Variants in KDM1B observed in about 807,000 individuals in gnomAD.
KDM1B encodes lysine demethylase 1B, also known as lysine-specific histone demethylase 2.
In KDM1B, 63 loss-of-function variants were observed where a neutral mutation model predicts 107.4. That is an observed-to-expected ratio of 0.59 (90% confidence interval 0.48 to 0.72). The LOEUF is 0.72. Among genes scored for constraint, KDM1B ranks in the 30% least tolerant of loss-of-function variants. The pLI, the probability that KDM1B is intolerant of heterozygous loss-of-function variation, is 0.00. For missense variants in KDM1B, 749 were observed against 1,020.8 expected, an observed-to-expected ratio of 0.73 and a Z score of 3.63; for synonymous variants, 363 against 363.9, an observed-to-expected ratio of 1.00 and a Z score of 0.03.
Position 18,187,828 on chromosome 6 carries a change from A to G in KDM1B, c.610A>G (p.Met204Val), listed in dbSNP as rs987847729. 2.6e-6 allele frequency: 4 copies of G among 1,550,206 alleles called. No individual in the cohort carries two copies. Among genetic ancestry groups the G allele is most frequent in the East Asian group, 2.4e-5 (1 of 40,922 alleles). Residue 204 changes from methionine to valine, a missense_variant, in exon 9 of 22, where the codon ATG (methionine) becomes GTG (valine). By Grantham distance (21) the Met-to-Val change is conservative. Coordinates refer to ENST00000650836, the MANE Select transcript of KDM1B (RefSeq NM_001364614.2). ...AGTTTCCAACCATTGGTGGTACTCT[A>G]TGCTCATCCTACCTCCTTTGCTGAA... ...LEVSNHWWYS[M>V]LILPPLLKDS... is the part of the protein sequence containing the mutation.
intron 9 of KDM1B, among the ~76,000 whole-genome samples, chr6:18,190,773 A>C (rs972756257): frequency 2.6e-5 from 4 of 151,598 alleles, no homozygotes; most frequent in African/African-American, 9.7e-5. Context: ...GGTGGCGAGC[A>C]CCTGTAATCC....
rs759961167 is a variant in KDM1B, at chr6:18,217,849, T to C, written c.2349T>C (p.Ala783=). 5 of 1,613,726 alleles carry C rather than the reference T, an allele frequency of 3.1e-6. No homozygotes were observed. The highest frequency in any genetic ancestry group is 4.2e-6 in the Non-Finnish European group (5 of 1,179,898). Residue 783 remains alanine (A), a synonymous_variant, in exon 21 of 22, where the codon GCT becomes GCC. Coordinates refer to ENST00000650836, the MANE Select transcript of KDM1B (RefSeq NM_001364614.2). ...GGSGEAYDII[A]EDIQGTVFFA... ...GTGGGGAGGCCTACGATATCATTGC[T>C]GAAGACATTCAAGGAACCGTCTTTT...
chr6:18,199,796 T>C (rs1168728061), intron 12 of KDM1B, among the ~76,000 whole-genome samples: 1 of 151,822 alleles, frequency 6.6e-6, no homozygotes, highest in Non-Finnish European at 1.5e-5. Context: ...TTAGGAAAAA[T>C]CACCTAAAGA....
At chr6:18,167,824 G>A (rs1190084695) in intron 6 of KDM1B, among the ~76,000 whole-genome samples, 1 of 151,518 alleles carries the variant, frequency 6.6e-6, no homozygotes, top group African/African-American at 2.4e-5. Flanking sequence ...GTGCAGTTGT[G>A]GGATTATGAC....
intron 20 of KDM1B, among the ~76,000 whole-genome samples, chr6:18,215,680 G>A (rs914960714): frequency 1.3e-5 from 2 of 151,618 alleles, no homozygotes; most frequent in African/African-American, 4.8e-5. Flanking sequence ...ACAGTGCCCT[G>A]TACCTTTTTT....
At chr6:18,215,253 T>G in intron 20 of KDM1B, 124 bp downstream of exon 20, 1 of 1,155,198 alleles carries the variant, frequency 8.7e-7, no homozygotes, top group Non-Finnish European at 1.2e-6. Context: ...ACAGTCTTCT[T>G]TCTTTCAGAG....
chr6:18,197,094 T>C lies in KDM1B; in HGVS notation c.1007T>C (p.Ile336Thr). 6.2e-7 allele frequency: 1 copy of C among 1,614,024 alleles called. No homozygotes were observed. The highest frequency in any genetic ancestry group is 8.5e-7 in the Non-Finnish European group (1 of 1,179,892). Residue 336 changes from isoleucine (I) to threonine (T), a missense_variant, in exon 11 of 22, where the codon ATC (isoleucine) becomes ACC (threonine). Ile to Thr is a moderately conservative substitution (Grantham distance 89, BLOSUM62 -1). Coordinates refer to ENST00000650836, the MANE Select transcript of KDM1B (RefSeq NM_001364614.2). This position sits in a 1 kb window ranked among gnomAD's most constrained non-coding sequence, Gnocchi z 4.5. Reference sequence around the variant, plus strand: ...CCTCAGAAATGTATTCCTCACATCATCGTCCGGGGTCTCGTGCGTATTCGA... The same window carrying C: ...CCTCAGAAATGTATTCCTCACATCACCGTCCGGGGTCTCGTGCGTATTCGA... ...LTPQKCIPHI[I>T]VRGLVRIRCV...
rs1582223317 is a variant in KDM1B, at chr6:18,217,756, T to C, written c.2256T>C (p.Tyr752=). The C allele has an allele frequency of 1.9e-6, 3 of 1,612,636 alleles. No homozygotes were observed. In the African/African-American group the frequency reaches 4.0e-5, roughly 22 times the overall value. Residue 752 remains tyrosine, a synonymous_variant, in exon 21 of 22, where the codon TAT becomes TAC. Transcript: ENST00000650836. The stretch of plus-strand genomic sequence containing the variant: ...AGGAGGTCCCAGATCCCACAAAGTA[T>C]TTTGTCACTCGGTGGAGCACAGACC... ...KEQEVPDPTK[Y]FVTRWSTDPW... is the part of the protein sequence containing the mutation.
At chr6:18,199,008 G>GAAAAAAA (rs70974711) in intron 12 of KDM1B, among the ~76,000 whole-genome samples, 16 of 74,678 alleles carry the variant, frequency 2.1e-4, no homozygotes, top group East Asian at 4.7e-4. Flanking sequence ...GTCTCTACCA[G>GAAAAAAA]AAAAAAAAAA....
chr6:18,191,572 G>T lies in KDM1B; in HGVS notation c.969+191G>T, dbSNP rs781361789. 6.6e-6 allele frequency among the ~76,000 whole-genome samples: 1 copy of T among 152,104 alleles called. No individual in the cohort carries two copies. The highest frequency in any genetic ancestry group is 1.5e-5 in the Non-Finnish European group (1 of 68,036). On this transcript the variant is annotated intron_variant, in intron 10 of 21. Coordinates refer to ENST00000650836, the MANE Select transcript of KDM1B (RefSeq NM_001364614.2). The surrounding 1 kb of genome is among the most constrained non-coding windows in gnomAD (Gnocchi z 5.1). Reference sequence around the variant, plus strand: ...TGTAGGATATTTAGCAAGATCCCTGGCTTCTACCCACTAGATTCCAGTAAT... The same window carrying T: ...TGTAGGATATTTAGCAAGATCCCTGTCTTCTACCCACTAGATTCCAGTAAT...
chr6:18,222,250 A>C lies in KDM1B; in HGVS notation c.*258A>C, dbSNP rs1789813140. On this transcript the variant is annotated 3_prime_UTR_variant, in exon 22 of 22. Coordinates refer to ENST00000650836, the MANE Select transcript of KDM1B (RefSeq NM_001364614.2). ...AAGTCTGGATTTCAGAATAAAGCAG[A>C]ATGTAAGTTTCAGTTGAGGCCATGG... 5.2e-6 allele frequency: 3 copies of C among 580,600 alleles called. No homozygotes were observed. The African/African-American group carries it at 5.5e-5, about 11-fold the overall frequency. 36.0% of individuals were successfully genotyped at this position (580,600 alleles called of 1,614,324 possible). A position where few individuals can be genotyped will look rare whatever the true frequency, so the allele number is the denominator to read the frequency against.
In KDM1B at chr6:18,186,112, G is replaced by A. The variant is rs974585575; in HGVS notation, c.573+302G>A. On this transcript the variant is annotated intron_variant, in intron 8 of 21. Transcript: ENST00000650836. This position sits in a 1 kb window ranked among gnomAD's most constrained non-coding sequence, Gnocchi z 5.6. ...CAGGCTTGCTGTACTTGTTTTTCAAGGATGACTTTGTGACCTTTTCTCCAC... is the reference window on the plus strand; with the variant it reads ...CAGGCTTGCTGTACTTGTTTTTCAAAGATGACTTTGTGACCTTTTCTCCAC... Among the ~76,000 whole-genome samples the A allele has an allele frequency of 6.6e-6, 1 of 152,130 alleles. No individual in the cohort carries two copies. The highest frequency in any genetic ancestry group is 2.4e-5 in the African/African-American group (1 of 41,436).
chr6:18,188,365 T>G (rs1787026491), intron 9 of KDM1B, among the ~76,000 whole-genome samples: 2 of 152,248 alleles, frequency 1.3e-5, no homozygotes, highest in African/African-American at 4.8e-5. Context: ...CTCAGTAGTT[T>G]GGAAAACCTG....
At chr6:18,207,354 C>G (rs961635857) in intron 15 of KDM1B, 44 bp from the exon 16 acceptor site, 2 of 1,601,386 alleles carry the variant, frequency 1.2e-6, no homozygotes, top group African/African-American at 2.7e-5. Flanking sequence ...GGCACAGGCA[C>G]AAGGATTTAC....
chr6:18,161,364 A>G lies in KDM1B; in HGVS notation c.125A>G (p.Glu42Gly), dbSNP rs755500826. ...KKATETTDED[E>G]DGGSEKKYRK... ...GCAACAGAGACAACAGATGAGGATG[A>G]AGATGGTGGCTCAGAGAAGAAGTAC... Residue 42 changes from glutamate to glycine, a missense_variant, in exon 4 of 22, where the codon GAA becomes GGA. Coordinates refer to ENST00000650836, the MANE Select transcript of KDM1B (RefSeq NM_001364614.2). The G allele has an allele frequency of 1.2e-6, 2 of 1,614,026 alleles. No individual in the cohort carries two copies. The highest frequency in any genetic ancestry group is 1.7e-6 in the Non-Finnish European group (2 of 1,179,932).
Position 18,188,011 on chromosome 6 carries a change from C to T in KDM1B, c.784+9C>T. On this transcript the variant is annotated intron_variant, in intron 9 of 21. Transcript: ENST00000650836. ...TGCCCTCTCCGTGCACGGTGAGAGCCATTCCTGGGACTCCCTGCTTTCTAT... is the reference window on the plus strand; with the variant it reads ...TGCCCTCTCCGTGCACGGTGAGAGCTATTCCTGGGACTCCCTGCTTTCTAT... 1 of 1,548,092 alleles carries T rather than the reference C, an allele frequency of 6.5e-7. No individual in the cohort carries two copies. Among genetic ancestry groups the T allele is most frequent in the South Asian group, 1.2e-5 (1 of 84,000 alleles).
At chr6:18,210,937 C>T (rs112117871) in intron 17 of KDM1B, among the ~76,000 whole-genome samples, 4,334 of 152,156 alleles carry the variant, frequency 0.028, 162 homozygotes, top group African/African-American at 0.087. Context: ...GAGTTTGAGG[C>T]TGCTGTGAGC....
chr6:18,165,319 A>G (rs1022950155), intron 5 of KDM1B, among the ~76,000 whole-genome samples: 1 of 150,786 alleles, frequency 6.6e-6, no homozygotes, highest in Non-Finnish European at 1.5e-5. Flanking sequence ...TTTAGTAGAG[A>G]CGGGGTTTCA....
At chr6:18,182,062 C>A (rs1305266170) in intron 7 of KDM1B, among the ~76,000 whole-genome samples, 1 of 152,074 alleles carries the variant, frequency 6.6e-6, no homozygotes, top group Non-Finnish European at 1.5e-5. Context: ...TGATTTGAAA[C>A]CTGGCTGGCT....
Sources: gnomAD v4.1 joint callset for allele counts (sites outside exome capture counted in the v4.1 genomes callset) on GRCh38, gnomAD v4.1.1 for gene constraint, Gnocchi (gnomAD v3.1) non-coding constraint, MANE v1.5 for transcripts, NCBI Gene and HGNC (gene_info 2026-07-23, HGNC 2026-07-21) for gene names.